The following ESCO1 variants were observed in gnomAD, a reference collection of about 807,000 sequenced individuals.
The protein encoded by ESCO1 is establishment of sister chromatid cohesion N-acetyltransferase 1.
In ESCO1, 33 loss-of-function variants were observed where a neutral mutation model predicts 83.5. That is an observed-to-expected ratio of 0.40 (90% confidence interval 0.30 to 0.53). The LOEUF (loss-of-function observed/expected upper bound fraction) is 0.53. Among genes scored for constraint, ESCO1 ranks in the 20% least tolerant of loss-of-function variants. The pLI, the probability that ESCO1 is intolerant of heterozygous loss-of-function variation, is 0.63. For missense variants in ESCO1, 855 were observed against 968.0 expected, an observed-to-expected ratio of 0.88 and a Z score of 1.55; for synonymous variants, 332 against 324.3, an observed-to-expected ratio of 1.02 and a Z score of -0.25.
chr18:21,583,461 C>T (rs1175986252), intron 2 of ESCO1, among the ~76,000 whole-genome samples: 2 of 151,930 alleles, frequency 1.3e-5, no homozygotes, highest in Non-Finnish European at 2.9e-5. Flanking sequence ...CTGGGCAACA[C>T]GGTGAAACCC....
chr18:21,572,438 C>T (rs1259920619), intron 4 of ESCO1, among the ~76,000 whole-genome samples: 1 of 152,104 alleles, frequency 6.6e-6, no homozygotes, highest in African/African-American at 2.4e-5. Context: ...ATTCCAGATA[C>T]AAGATTCTGG....
intron 8 of ESCO1, among the ~76,000 whole-genome samples, chr18:21,544,536 G>C (rs1037782397): frequency 1.3e-5 from 2 of 151,850 alleles, no homozygotes; most frequent in Non-Finnish European, 1.5e-5. Context: ...GGCTGAGGCA[G>C]GAGAATCACT....
chr18:21,588,494 G>A (rs59965818), intron 1 of ESCO1, among the ~76,000 whole-genome samples: 11,686 of 150,724 alleles, frequency 0.078, 1,483 homozygotes, highest in African/African-American at 0.27. Context: ...CAATACTAAA[G>A]TCAATGCCAA....
chr18:21,539,912 A>T lies in ESCO1; in HGVS notation c.2043+8T>A, dbSNP rs754481992. ...TCCACTCTACATGAAGTTTCACTGG[A>T]AATTTACCTTTTTCAGGGCATACTT... On this transcript the variant is annotated splice_region_variant and intron_variant, in intron 9 of 11. Transcript: ENST00000269214. 6.2e-7 allele frequency: 1 copy of T among 1,610,448 alleles called. No individual in the cohort carries two copies. Among genetic ancestry groups the T allele is most frequent in the South Asian group, 1.1e-5 (1 of 90,692 alleles).
intron 8 of ESCO1, among the ~76,000 whole-genome samples, chr18:21,541,589 TCC>T (rs1248556414): frequency 4.1e-5 from 1 of 24,316 alleles, no homozygotes; most frequent in African/African-American, 1.1e-4. Context: ...CGAGACACTG[TCC>T]CAAAAAAAAA....
At chr18:21,556,905 C>A (rs572732106) in intron 8 of ESCO1, among the ~76,000 whole-genome samples, 1 of 152,084 alleles carries the variant, frequency 6.6e-6, no homozygotes, top group Non-Finnish European at 1.5e-5. Context: ...TTCACCATGT[C>A]GGTCAGGTTA....
chr18:21,557,949 C>T (rs1207862992), intron 8 of ESCO1, among the ~76,000 whole-genome samples: 1 of 151,718 alleles, frequency 6.6e-6, no homozygotes, highest in Non-Finnish European at 1.5e-5. Flanking sequence ...GAGGTTTCTT[C>T]CTAAATAGTT....
intron 2 of ESCO1, among the ~76,000 whole-genome samples, chr18:21,579,788 G>A (rs1336354941): frequency 1.5e-4 from 6 of 39,894 alleles, no homozygotes; most frequent in East Asian, 7.0e-4. Flanking sequence ...ACACACACGC[G>A]CGCGCGCACA....
chr18:21,573,631 T>C lies in ESCO1; in HGVS notation c.1213A>G (p.Asn405Asp), dbSNP rs751944040. The change falls in exon 4 of 12, where the codon AAT becomes GAT. Residue 405 changes from asparagine (N) to aspartate (D), a missense_variant. This residue lies in a region of ESCO1 where 726 missense variants were observed against 699.5 expected (regional missense o/e 1.04). Transcript: ENST00000269214. Reference protein sequence around the residue: ...KLSKFNSVQHNKLDSQVSPKL... With the variant: ...KLSKFNSVQHDKLDSQVSPKL... ...GGGGAAACTTGAGAGTCCAACTTAT[T>C]GTGCTGCACAGAGTTAAATTTTGAG... is the stretch of plus-strand genomic sequence containing the variant. The C allele has an allele frequency of 1.9e-5, 30 of 1,614,154 alleles. No homozygotes were observed. The highest frequency in any genetic ancestry group is 8.5e-7 in the Non-Finnish European group (1 of 1,180,028).
At chr18:21,533,001 C>A (rs2037787275) in intron 10 of ESCO1, among the ~76,000 whole-genome samples, 2 of 152,110 alleles carry the variant, frequency 1.3e-5, no homozygotes, top group Non-Finnish European at 2.9e-5. Flanking sequence ...AACATTAGTT[C>A]TCTCTACCTC....
chr18:21,555,509 G>T (rs987401984), intron 8 of ESCO1, among the ~76,000 whole-genome samples: 4 of 152,180 alleles, frequency 2.6e-5, no homozygotes, highest in African/African-American at 9.7e-5. Flanking sequence ...GTGGAATTAA[G>T]GAGTATATGG....
chr18:21,581,796 T>C lies in ESCO1; in HGVS notation c.-694+2514A>G, dbSNP rs7242891. 6.5e-4 allele frequency among the ~76,000 whole-genome samples: 99 copies of C among 152,100 alleles called. 1 individual carries two copies. Among genetic ancestry groups the C allele is most frequent in the African/African-American group, 2.1e-3 (88 of 41,458 alleles). On this transcript the variant is annotated intron_variant, in intron 2 of 11. Coordinates refer to ENST00000269214, the MANE Select transcript of ESCO1 (RefSeq NM_052911.3). ...CTACTTCAGAGATGAAGCAGGAGGA[T>C]TGCTTGAGCCCAGGAGTTTGACACC...
intron 8 of ESCO1, among the ~76,000 whole-genome samples, chr18:21,558,425 C>G (rs1218364187): frequency 6.6e-6 from 1 of 151,984 alleles, no homozygotes; most frequent in African/African-American, 2.4e-5. Context: ...ATATTTTCTA[C>G]AGAATGTTTG....
intron 7 of ESCO1, among the ~76,000 whole-genome samples, chr18:21,562,221 G>A (rs1035357245): frequency 1.3e-5 from 2 of 152,166 alleles, no homozygotes; most frequent in Non-Finnish European, 1.5e-5. Context: ...GGGGCCACCT[G>A]AGGTGGCTCA....
chr18:21,567,890 C>T, intron 5 of ESCO1, 90 bp downstream of exon 5: 1 of 876,810 alleles, frequency 1.1e-6, no homozygotes, highest in Admixed American at 2.6e-5. Flanking sequence ...AAGAATTTAA[C>T]AACCCTATTT....
intron 8 of ESCO1, among the ~76,000 whole-genome samples, chr18:21,560,251 T>A (rs2038165168): frequency 6.6e-6 from 1 of 151,814 alleles, no homozygotes; most frequent in African/African-American, 2.4e-5. Flanking sequence ...AAATATTAAA[T>A]AATACCCATT....
chr18:21,579,784 A>ACACGCGCG (rs1376352667), intron 2 of ESCO1, among the ~76,000 whole-genome samples: 1 of 60,196 alleles, frequency 1.7e-5, no homozygotes, highest in African/African-American at 4.2e-5. Context: ...ACACACACAC[A>ACACGCGCG]CGCGCGCGCG....
chr18:21,572,767 C>A (rs887481578), intron 4 of ESCO1, among the ~76,000 whole-genome samples: 3 of 151,894 alleles, frequency 2.0e-5, no homozygotes, highest in Non-Finnish European at 2.9e-5. Flanking sequence ...GAGTTCGAGA[C>A]CAGCCTGATC....
In ESCO1 at chr18:21,573,652, T is replaced by C; in HGVS notation, c.1192A>G (p.Lys398Glu). 1.2e-6 allele frequency: 2 copies of C among 1,614,148 alleles called. No individual in the cohort carries two copies. The highest frequency in any genetic ancestry group is 1.7e-6 in the Non-Finnish European group (2 of 1,180,018). The change falls in exon 4 of 12, where the codon AAA becomes GAA. Residue 398 changes from lysine to glutamate, a missense_variant. Around this residue, in one of 2 missense-constraint regions of ESCO1, gnomAD observed 726 missense variants for 699.5 expected, o/e 1.04. Transcript: ENST00000269214. ...NSNWTKIKLS[K>E]FNSVQHNKLD... ...TTATTGTGCTGCACAGAGTTAAATT[T>C]TGAGAGTTTAATTTTAGTCCAGTTG...
Sources: gnomAD v4.1 joint callset for allele counts (sites outside exome capture counted in the v4.1 genomes callset) on GRCh38, gnomAD v4.1.1 for gene constraint, gnomAD v4.1.1 regional missense constraint, MANE v1.5 for transcripts, NCBI Gene and HGNC (gene_info 2026-07-23, HGNC 2026-07-21) for gene names.